MAPKAP1: variants seen among roughly 807,000 people sequenced by gnomAD.
MAPKAP1 encodes the protein MAPK associated protein 1.
A neutral mutation model predicts 65.7 loss-of-function variants in MAPKAP1; 20 were observed. The ratio of observed to expected loss-of-function variants is 0.30; its 90% CI spans 0.21 to 0.44. MAPKAP1 has a LOEUF of 0.44. Among genes scored for constraint, MAPKAP1 ranks in the 20% least tolerant of loss-of-function variants. The pLI, the probability that MAPKAP1 is intolerant of heterozygous loss-of-function variation, is 1.00. For synonymous variants in MAPKAP1, 222 were observed against 244.3 expected (o/e 0.91, Z 0.85); for missense variants, 423 against 648.0 (o/e 0.65, Z 3.77).
chr9:125,585,461 G>C, intron 5 of MAPKAP1, 94 bp downstream of exon 5: 1 of 1,373,010 alleles, frequency 7.3e-7, no homozygotes, highest in Non-Finnish European at 1.0e-6. Flanking sequence ...TGTGGTTCCA[G>C]GCCAATGCCT....
At chr9:125,643,021 T>C (rs775840287) in intron 4 of MAPKAP1, among the ~76,000 whole-genome samples, 28 of 151,888 alleles carry the variant, frequency 1.8e-4, no homozygotes, top group Non-Finnish European at 3.5e-4. Context: ...TGCCTCAGCC[T>C]CCCGAGTAGC....
At chr9:125,530,881 G>A (rs1829914411) in intron 7 of MAPKAP1, among the ~76,000 whole-genome samples, 1 of 152,248 alleles carries the variant, frequency 6.6e-6, no homozygotes, top group Admixed American at 6.5e-5. Context: ...TGGCATGATA[G>A]TGGCAATAGG....
At chr9:125,613,574 C>T (rs1400330740) in intron 4 of MAPKAP1, among the ~76,000 whole-genome samples, 5 of 152,158 alleles carry the variant, frequency 3.3e-5, no homozygotes, top group Non-Finnish European at 7.4e-5. Context: ...CAACTCCTCC[C>T]TCTACCCAAT....
intron 4 of MAPKAP1, among the ~76,000 whole-genome samples, chr9:125,622,588 G>A (rs1334580951): frequency 6.6e-6 from 1 of 151,994 alleles, no homozygotes; most frequent in African/African-American, 2.4e-5. Flanking sequence ...TAGGATTGCA[G>A]GCGGGCACCA....
chr9:125,682,652 T>C (rs910627597), intron 1 of MAPKAP1, among the ~76,000 whole-genome samples: 3 of 152,252 alleles, frequency 2.0e-5, no homozygotes, highest in Admixed American at 6.5e-5. Flanking sequence ...TAAACAATTT[T>C]ACGTTTTACT....
At chr9:125,564,447 G>T (rs1830987799) in intron 5 of MAPKAP1, among the ~76,000 whole-genome samples, 1 of 151,986 alleles carries the variant, frequency 6.6e-6, no homozygotes, top group African/African-American at 2.4e-5. Flanking sequence ...CTTTATAAAA[G>T]ATTTATTTTT....
At chr9:125,614,127 A>G (rs1832680724) in intron 4 of MAPKAP1, among the ~76,000 whole-genome samples, 1 of 152,182 alleles carries the variant, frequency 6.6e-6, no homozygotes, top group South Asian at 2.1e-4. Context: ...ATCACTTTAT[A>G]AGGTTAGAAA....
At chr9:125,693,798 CAT>C (rs890785258) in intron 1 of MAPKAP1, among the ~76,000 whole-genome samples, 12 of 141,884 alleles carry the variant, frequency 8.5e-5, no homozygotes, top group East Asian at 4.0e-4. Flanking sequence ...TATATACACA[CAT>C]ATATATACAC....
At chr9:125,690,533 GAAGT>G (rs1271406246) in intron 1 of MAPKAP1, among the ~76,000 whole-genome samples, 2 of 152,184 alleles carry the variant, frequency 1.3e-5, no homozygotes, top group African/African-American at 4.8e-5. Context: ...TCTGTAAATG[GAAGT>G]AAGTTCAGTG....
At chr9:125,677,520 AC>A (rs1471662110) in intron 1 of MAPKAP1, among the ~76,000 whole-genome samples, 1 of 151,938 alleles carries the variant, frequency 6.6e-6, no homozygotes, top group Non-Finnish European at 1.5e-5. Context: ...ACATGCTGAA[AC>A]CCCGTCTCTA....
intron 5 of MAPKAP1, among the ~76,000 whole-genome samples, chr9:125,582,477 C>G (rs1831653495): frequency 6.6e-6 from 1 of 152,142 alleles, no homozygotes; most frequent in Non-Finnish European, 1.5e-5. Context: ...CACTCACTGT[C>G]AGTGCTTTTA....
chr9:125,571,817 C>T (rs1279926008), intron 5 of MAPKAP1, among the ~76,000 whole-genome samples: 6 of 152,058 alleles, frequency 3.9e-5, no homozygotes, highest in South Asian at 4.1e-4. Context: ...GAGCCAAGAT[C>T]GCGCCACTGC....
intron 4 of MAPKAP1, among the ~76,000 whole-genome samples, chr9:125,617,351 C>T (rs1349425366): frequency 6.6e-6 from 1 of 152,162 alleles, no homozygotes; most frequent in Non-Finnish European, 1.5e-5. Context: ...GTCCTAGCTA[C>T]TACTGAGACT....
chr9:125,528,142 G>A (rs987515015), intron 7 of MAPKAP1, among the ~76,000 whole-genome samples: 1 of 152,148 alleles, frequency 6.6e-6, no homozygotes, highest in Non-Finnish European at 1.5e-5. Context: ...GAAAAGCGGG[G>A]GCTCTCATTC....
At chr9:125,508,071 C>T (rs902998141) in intron 7 of MAPKAP1, among the ~76,000 whole-genome samples, 2 of 151,890 alleles carry the variant, frequency 1.3e-5, no homozygotes, top group African/African-American at 2.4e-5. Context: ...GAGGCTGAGG[C>T]GGGGGGATTG....
intron 1 of MAPKAP1, among the ~76,000 whole-genome samples, chr9:125,704,129 G>C (rs1157712412): frequency 6.6e-6 from 1 of 152,164 alleles, no homozygotes; most frequent in African/African-American, 2.4e-5. Flanking sequence ...AGCCTTTCCA[G>C]AGGGTCCGCA....
rs1256355323 is a variant in MAPKAP1, at chr9:125,438,407, G to T, written c.*480C>A. 1 of 399,178 alleles carries T rather than the reference G, an allele frequency of 2.5e-6. No individual in the cohort carries two copies. The highest frequency in any genetic ancestry group is 3.6e-5 in the East Asian group (1 of 28,102). 24.7% of individuals were successfully genotyped at this position (399,178 alleles called of 1,614,324 possible). ...AATCTGCCTGTTCAATATGGGAACA[G>T]ATTTTAAAGAGAGTAACATAATCAA... On this transcript the variant is annotated 3_prime_UTR_variant, in exon 12 of 12. Coordinates refer to ENST00000265960, the MANE Select transcript of MAPKAP1 (RefSeq NM_001006617.3).
intron 4 of MAPKAP1, among the ~76,000 whole-genome samples, chr9:125,642,769 T>C (rs1225283287): frequency 1.3e-5 from 2 of 152,192 alleles, no homozygotes; most frequent in East Asian, 1.9e-4. Flanking sequence ...TTCACTATTT[T>C]CTGATTCATC....
intron 1 of MAPKAP1, among the ~76,000 whole-genome samples, chr9:125,690,886 T>C (rs755402325): frequency 1.3e-5 from 2 of 152,208 alleles, no homozygotes; most frequent in Non-Finnish European, 2.9e-5. Context: ...GCTGTGAAGA[T>C]AGCCCAGAGA....
Sources: allele counts gnomAD v4.1 joint callset (sites outside exome capture counted in the v4.1 genomes callset), GRCh38; gene constraint gnomAD v4.1.1; transcripts MANE v1.5; gene names NCBI Gene and HGNC (gene_info 2026-07-23, HGNC 2026-07-21).